Variants in NLRP2 observed in about 807,000 individuals in gnomAD.
NLRP2 encodes the protein NLR family pyrin domain containing 2.
Under a neutral mutation model 97.2 loss-of-function variants are expected in NLRP2, and 107 were observed. The ratio of observed to expected loss-of-function variants is 1.10; its 90% CI spans 0.94 to 1.29. The LOEUF is 1.29. Ranked by LOEUF, NLRP2 falls within the 50% of genes most tolerant of loss-of-function variation. The pLI, the probability that NLRP2 is intolerant of heterozygous loss-of-function variation, is 0.00. For missense variants in NLRP2, 1,495 were observed against 1,330.3 expected (o/e 1.12, Z -1.93); for synonymous variants, 663 against 551.5 (o/e 1.20, Z -2.83).
rs544846195 is a variant in NLRP2, at chr19:54,995,759, G to A, written c.2879+1320G>A. On this transcript the variant is annotated intron_variant, in intron 11 of 12. Coordinates refer to ENST00000448584, the MANE Select transcript of NLRP2 (RefSeq NM_017852.5). Reference sequence around the variant, plus strand: ...AGGCAATCTTAAAAGAATTTGACTCGGGATGGGCAAGGTGGCTCATGCCTG... The same window carrying A: ...AGGCAATCTTAAAAGAATTTGACTCAGGATGGGCAAGGTGGCTCATGCCTG... Among the ~76,000 whole-genome samples the A allele has an allele frequency of 3.3e-4, 50 of 152,064 alleles. 1 individual carries two copies. The highest frequency in any genetic ancestry group is 1.1e-3 in the African/African-American group (47 of 41,496).
rs867603103 is a variant in NLRP2, at chr19:54,967,595, T to G, written c.-18+1128T>G. 6.6e-5 allele frequency among the ~76,000 whole-genome samples: 10 copies of G among 152,010 alleles called. 1 individual carries two copies. Among genetic ancestry groups the G allele is most frequent in the Non-Finnish European group, 1.5e-4 (10 of 67,996 alleles). ...TCATAAGAGGATAGTTGTGTGTGCT[T>G]TTATTTCTGTTCTCTTGGGGGATTT... On this transcript the variant is annotated intron_variant, in intron 1 of 12. Transcript: ENST00000448584.
intron 10 of NLRP2, chr19:54,994,053 T>C (rs2072657319): frequency 1.6e-6 from 1 of 639,186 alleles, no homozygotes; most frequent in African/African-American, 1.8e-5. Context: ...CTCAGTCACC[T>C]CTACGAGGTC....
At chr19:54,970,665 A>G (rs1281177254) in intron 2 of NLRP2, among the ~76,000 whole-genome samples, 1 of 151,832 alleles carries the variant, frequency 6.6e-6, no homozygotes, top group Admixed American at 6.6e-5. Context: ...TCAAAAAAAA[A>G]AAGAAATGGC....
intron 3 of NLRP2, chr19:54,976,715 C>G: frequency 7.4e-6 from 3 of 407,452 alleles, no homozygotes; most frequent in Non-Finnish European, 9.5e-6. Context: ...GTCCAGTTCC[C>G]TCCCCAGCAT....
chr19:54,974,573 C>T (rs369119180), intron 3 of NLRP2, 29 bp downstream of exon 3: 1 of 1,455,580 alleles, frequency 6.9e-7, no homozygotes, highest in Non-Finnish European at 9.7e-7. Context: ...AACTTTTATT[C>T]TTCATGTGAG....
In NLRP2 at chr19:54,990,659, C is replaced by G. The variant is rs1446642439; in HGVS notation, c.2695C>G (p.Leu899Val). 2 of 1,614,140 alleles carry G rather than the reference C, an allele frequency of 1.2e-6. No homozygotes were observed. Among genetic ancestry groups the G allele is most frequent in the Non-Finnish European group, 1.7e-6 (2 of 1,180,040 alleles). ...CEGLRYPECK[L>V]QTLVLWNCDI... ...GGGCTTGAGGTACCCCGAGTGTAAA[C>G]TGCAGACCTTGGTGTAAGTCCGTGC... Residue 899 changes from leucine (L) to valine (V), a missense_variant, in exon 10 of 13, where the codon CTG (leucine) becomes GTG (valine). Physicochemically the swap from Leu to Val is conservative, Grantham distance 32. Transcript: ENST00000448584.
chr19:54,970,065 A>G lies in NLRP2; in HGVS notation c.50A>G (p.Gln17Arg). The G allele has an allele frequency of 6.2e-7, 1 of 1,614,088 alleles. No individual in the cohort carries two copies. Residue 17 changes from glutamine (Q) to arginine (R), a missense_variant, in exon 2 of 13, where the codon CAG becomes CGG. Gln to Arg is a conservative substitution (Grantham distance 43, BLOSUM62 1). Transcript: ENST00000448584. ...TTCAACCTGCAGGCTCTCCTGGAGC[A>G]GCTCAGCCAGGATGAGTTGAGCAAG... The part of the protein sequence containing the change: ...MGFNLQALLE[Q>R]LSQDELSKFK...
In NLRP2 at chr19:54,997,385, G is replaced by A; in HGVS notation, c.2948G>A (p.Ser983Asn). The change falls in exon 12 of 13, where the codon AGC (serine) becomes AAC (asparagine). Residue 983 changes from serine to asparagine, a missense_variant. Coordinates refer to ENST00000448584, the MANE Select transcript of NLRP2 (RefSeq NM_017852.5). Reference sequence around the variant, plus strand: ...TGCTCTGCCCTCAGCTGCAACCAGAGCCTCGTCACTCTGGACCTGGGTCAG... The same window carrying A: ...TGCTCTGCCCTCAGCTGCAACCAGAACCTCGTCACTCTGGACCTGGGTCAG... ...DLCSALSCNQ[S>N]LVTLDLGQNP... 1 of 1,614,218 alleles carries A rather than the reference G, an allele frequency of 6.2e-7. No homozygotes were observed. Among genetic ancestry groups the A allele is most frequent in the South Asian group, 1.1e-5 (1 of 91,086 alleles).
chr19:54,993,461 A>G (rs1376460081), intron 10 of NLRP2: 1 of 152,464 alleles, frequency 6.6e-6, no homozygotes, highest in Non-Finnish European at 1.5e-5. Context: ...CTAAGGTGAA[A>G]TATCTCTGAT....
chr19:54,995,214 T>G (rs1353374626), intron 11 of NLRP2, among the ~76,000 whole-genome samples: 2 of 125,210 alleles, frequency 1.6e-5, no homozygotes, highest in Non-Finnish European at 3.3e-5. Flanking sequence ...TTTTTTGAGA[T>G]AGTTTCACTC....
intron 2 of NLRP2, 89 bp downstream of exon 2, chr19:54,970,384 C>T: frequency 6.7e-7 from 1 of 1,490,490 alleles, no homozygotes; most frequent in African/African-American, 1.4e-5. Flanking sequence ...GGCGCGCTGG[C>T]TCACGCCTGT....
rs141479557 is a variant in NLRP2 at position 54,969,515 on chromosome 19, C to T, written c.-17-484C>T. Among the ~76,000 whole-genome samples the T allele has an allele frequency of 2.6e-3, 391 of 150,822 alleles. 2 individuals carry two copies. The highest frequency in any genetic ancestry group is 9.3e-3 in the African/African-American group (382 of 41,020). ...AAAAAAAATACAAAAAGTAGCTGAG[C>T]GTGGTGGTGGGTGCCCATAATCCCA... On this transcript the variant is annotated intron_variant, in intron 1 of 12. Transcript: ENST00000448584.
rs896037555 is a variant in NLRP2, at chr19:54,982,437, T to G, written c.739T>G (p.Cys247Gly). ...ATTCAAATATGCGTTCTACCTCAGC[T>G]GCAGGGAGCTCAGCCGCCTGGGCCC... ...HKFKYAFYLS[C>G]RELSRLGPCS... is the part of the protein sequence containing the mutation. Residue 247 changes from cysteine to glycine, a missense_variant, in exon 6 of 13, where the codon TGC (cysteine) becomes GGC (glycine). Cys to Gly is a radical substitution (Grantham distance 159, BLOSUM62 -3). Transcript: ENST00000448584. 4 of 1,614,058 alleles carry G rather than the reference T, an allele frequency of 2.5e-6. No homozygotes were observed. The African/African-American group carries it at 4.0e-5, about 16-fold the overall frequency.
In NLRP2 at chr19:54,990,681, G is replaced by A. The variant is rs370226109; in HGVS notation, c.2708+9G>A. 21 of 1,613,966 alleles carry A rather than the reference G, an allele frequency of 1.3e-5. No individual in the cohort carries two copies. The highest frequency in any genetic ancestry group is 1.1e-4 in the African/African-American group (8 of 74,874). ...AAACTGCAGACCTTGGTGTAAGTCC[G>A]TGCTGGCTGCCTGTGTGCGTGGGTG... is the stretch of plus-strand genomic sequence containing the variant. On this transcript the variant is annotated intron_variant, in intron 10 of 12. Coordinates refer to ENST00000448584, the MANE Select transcript of NLRP2 (RefSeq NM_017852.5).
At chr19:54,988,047 G>A (rs1271719184) in intron 8 of NLRP2, among the ~76,000 whole-genome samples, 1 of 151,970 alleles carries the variant, frequency 6.6e-6, no homozygotes, top group Non-Finnish European at 1.5e-5. Context: ...CCATCTCGAG[G>A]ACAGAAAAAA....
intron 12 of NLRP2, 90 bp from the exon 13 acceptor site, chr19:55,000,670 G>A: frequency 1.5e-6 from 2 of 1,329,130 alleles, no homozygotes; most frequent in East Asian, 2.3e-5. Flanking sequence ...CATGCCCTGT[G>A]CCTCCTTAAC....
chr19:54,969,129 T>C (rs2070680908), intron 1 of NLRP2, among the ~76,000 whole-genome samples: 1 of 152,136 alleles, frequency 6.6e-6, no homozygotes, highest in Non-Finnish European at 1.5e-5. Flanking sequence ...TACTTTGCTA[T>C]AATGAGAGAG....
chr19:54,973,978 GA>G, intron 2 of NLRP2: 84 of 1,198,234 alleles, frequency 7.0e-5, no homozygotes, highest in Non-Finnish European at 8.7e-5. Flanking sequence ...CGATTTTCCG[GA>G]AAAAGGCTAA....
Position 54,990,063 on chromosome 19 carries a change from T to A in NLRP2, c.2408T>A (p.Leu803His). The A allele has an allele frequency of 6.2e-7, 1 of 1,613,948 alleles. No homozygotes were observed. The highest frequency in any genetic ancestry group is 8.5e-7 in the Non-Finnish European group (1 of 1,180,012). Residue 803 changes from leucine (L) to histidine (H), a missense_variant, in exon 9 of 13, where the codon CTC becomes CAC. Leu to His is a moderately conservative substitution (Grantham distance 99). Coordinates refer to ENST00000448584, the MANE Select transcript of NLRP2 (RefSeq NM_017852.5). ...GCTACCACTCAGCAGTGGGCTGATC[T>A]CTCCTTGGCCCTTGAAGTCAACCAG... ...CSATTQQWAD[L>H]SLALEVNQSL...
Sources: gnomAD v4.1 joint callset for allele counts (sites outside exome capture counted in the v4.1 genomes callset) on GRCh38, gnomAD v4.1.1 for gene constraint, MANE v1.5 for transcripts, NCBI Gene and HGNC (gene_info 2026-07-23, HGNC 2026-07-21) for gene names.